Variants in PRLR observed in about 807,000 individuals in gnomAD.
The protein encoded by PRLR is prolactin receptor, also known as hPRL receptor.
PRLR carries 13 observed loss-of-function variants against 40.2 expected under a neutral mutation model. That is an observed-to-expected ratio of 0.32 (90% CI 0.21 to 0.51). PRLR has a LOEUF of 0.51. Ranked by LOEUF, PRLR falls within the 20% of genes least tolerant of loss-of-function variation. PRLR has a pLI of 0.97. For missense variants in PRLR, 656 were observed against 747.3 expected (o/e 0.88, Z 1.42); for synonymous variants, 269 against 278.7 (o/e 0.97, Z 0.35).
At chr5:35,164,164 C>T (rs1357376782) in intron 1 of PRLR, among the ~76,000 whole-genome samples, 1 of 152,166 alleles carries the variant, frequency 6.6e-6, no homozygotes, top group Non-Finnish European at 1.5e-5. Flanking sequence ...GGCCACTTGC[C>T]TTAGTGGCTT....
chr5:35,146,283 A>G (rs796637429), intron 1 of PRLR, among the ~76,000 whole-genome samples: 19 of 152,352 alleles, frequency 1.2e-4, no homozygotes, highest in African/African-American at 4.6e-4. Context: ...AGGAGCTCAT[A>G]GTGTAGGAAG....
intron 5 of PRLR, among the ~76,000 whole-genome samples, chr5:35,079,265 A>G (rs1388620310): frequency 8.5e-5 from 13 of 152,204 alleles, no homozygotes; most frequent in African/African-American, 3.1e-4. Flanking sequence ...AGGAAGTCAA[A>G]TTGTCCCTGT....
At chr5:35,188,686 C>A (rs1205376054) in intron 1 of PRLR, among the ~76,000 whole-genome samples, 3 of 152,122 alleles carry the variant, frequency 2.0e-5, no homozygotes, top group African/African-American at 4.8e-5. Flanking sequence ...TAAGCCCTGA[C>A]CAACCAAAAA....
chr5:35,102,052 T>A (rs1402084075), intron 2 of PRLR, among the ~76,000 whole-genome samples: 1 of 151,816 alleles, frequency 6.6e-6, no homozygotes, highest in East Asian at 1.9e-4. Flanking sequence ...GTGGTCTCCA[T>A]CTCTTGACCT....
chr5:35,130,533 T>A lies in PRLR; in HGVS notation c.-105-12411A>T, dbSNP rs748840205. ...AAAGGGCAAGCAATGGCCACAGAAC[T>A]CGAGTTGTGATCTCAATCCTTGTCA... On this transcript the variant is annotated intron_variant, in intron 1 of 9. Coordinates refer to ENST00000618457, the MANE Select transcript of PRLR (RefSeq NM_000949.7). Among the ~76,000 whole-genome samples, 8 of 152,320 alleles carry A rather than the reference T, an allele frequency of 5.3e-5. No homozygotes were observed. The East Asian group carries it at 1.2e-3, about 22-fold the overall frequency.
chr5:35,195,604 C>T (rs1775714236), intron 1 of PRLR: 1 of 150,470 alleles, frequency 6.6e-6, no homozygotes, highest in African/African-American at 2.5e-5. Context: ...TGGAGCCTTC[C>T]TCATCTTTAT....
chr5:35,112,649 G>A (rs1466899629), intron 2 of PRLR, among the ~76,000 whole-genome samples: 1 of 152,098 alleles, frequency 6.6e-6, no homozygotes, highest in East Asian at 1.9e-4. Flanking sequence ...ATTACTACCA[G>A]TCCCAAAGTC....
chr5:35,054,852 A>G (rs548785442), downstream of PRLR, among the ~76,000 whole-genome samples: 14 of 152,340 alleles, frequency 9.2e-5, no homozygotes, highest in African/African-American at 3.4e-4. Context: ...TATGAGGTGA[A>G]TGCATTTTAA....
chr5:35,212,633 T>C (rs557997301), intron 1 of PRLR, among the ~76,000 whole-genome samples: 2 of 152,254 alleles, frequency 1.3e-5, no homozygotes, highest in Non-Finnish European at 2.9e-5. Context: ...TTGGTAATCA[T>C]GTCAGTTATA....
chr5:35,160,983 C>A (rs1428441780), intron 1 of PRLR, among the ~76,000 whole-genome samples: 3 of 152,190 alleles, frequency 2.0e-5, no homozygotes, highest in African/African-American at 2.4e-5. Context: ...CTCTTTACTG[C>A]AGTGCTGTGG....
intron 1 of PRLR, among the ~76,000 whole-genome samples, chr5:35,180,570 T>C (rs904541473): frequency 1.3e-5 from 2 of 152,064 alleles, no homozygotes; most frequent in African/African-American, 4.8e-5. Flanking sequence ...TTAAACCTCT[T>C]TTCTTTTCTT....
Position 35,059,774 on chromosome 5 carries a change from G to A in PRLR, c.*5315C>T, listed in dbSNP as rs1391667869. 6.6e-6 allele frequency: 1 copy of A among 152,160 alleles called. No homozygotes were observed. The highest frequency in any genetic ancestry group is 2.4e-5 in the African/African-American group (1 of 41,430). 9.4% of individuals were successfully genotyped at this position (152,160 alleles called of 1,614,324 possible). A position where few individuals can be genotyped will look rare whatever the true frequency, so the allele number is the denominator to read the frequency against. On this transcript the variant is annotated 3_prime_UTR_variant, in exon 10 of 10. Transcript: ENST00000618457. ...TAATTATAAATAGGATTTCTCTGAA[G>A]CAATCAATCTGTATTTTTAAAGCTT...
chr5:35,089,734 G>A, intron 2 of PRLR, 71 bp from the exon 3 acceptor site: 1 of 897,798 alleles, frequency 1.1e-6, no homozygotes, highest in Non-Finnish European at 1.8e-6. Context: ...ACTTTATTCT[G>A]GGTATTTGCA....
At chr5:35,145,171 T>C (rs1774146432) in intron 1 of PRLR, among the ~76,000 whole-genome samples, 2 of 152,200 alleles carry the variant, frequency 1.3e-5, no homozygotes, top group African/African-American at 4.8e-5. Flanking sequence ...AAACGTTTTA[T>C]GCTGGAAAAG....
chr5:35,087,861 C>T (rs949115483), intron 3 of PRLR, among the ~76,000 whole-genome samples: 75 of 152,198 alleles, frequency 4.9e-4, no homozygotes, highest in Non-Finnish European at 2.2e-4. Context: ...GCCTACATGA[C>T]TTCAGCTGAT....
chr5:35,177,933 A>G (rs1775191207), intron 1 of PRLR, among the ~76,000 whole-genome samples: 2 of 151,624 alleles, frequency 1.3e-5, no homozygotes, highest in Admixed American at 1.3e-4. Flanking sequence ...CCAATAGTGT[A>G]TGAGGGTTCT....
intron 1 of PRLR, among the ~76,000 whole-genome samples, chr5:35,188,799 T>C (rs1332178415): frequency 6.6e-6 from 1 of 152,162 alleles, no homozygotes; most frequent in African/African-American, 2.4e-5. Context: ...CCCAGCATAA[T>C]GTAACGTTTA....
intron 9 of PRLR, among the ~76,000 whole-genome samples, chr5:35,067,588 T>C (rs182994338): frequency 6.6e-6 from 1 of 152,364 alleles, no homozygotes; most frequent in East Asian, 1.9e-4. Flanking sequence ...CTTTTATATA[T>C]GTCAGTGTTA....
At chr5:35,093,009 C>T (rs1271268161) in intron 2 of PRLR, among the ~76,000 whole-genome samples, 3 of 152,194 alleles carry the variant, frequency 2.0e-5, no homozygotes, top group Non-Finnish European at 4.4e-5. Flanking sequence ...AGTCCCTTCT[C>T]CCTTGTGTTG....
Sources: gnomAD v4.1 joint callset for allele counts (sites outside exome capture counted in the v4.1 genomes callset) on GRCh38, gnomAD v4.1.1 for gene constraint, MANE v1.5 for transcripts, NCBI Gene and HGNC (gene_info 2026-07-23, HGNC 2026-07-21) for gene names.